Variants in EIF4G3 observed in about 807,000 individuals in gnomAD.
The protein encoded by EIF4G3 is eukaryotic translation initiation factor 4 gamma 3, also known as eIF-4-gamma 3.
A neutral mutation model predicts 186.4 loss-of-function variants in EIF4G3; 34 were observed. The observed-to-expected ratio is 0.18, with a 90% confidence interval of 0.14 to 0.24. EIF4G3 has a LOEUF of 0.24. Ranked by LOEUF, EIF4G3 falls within the 10% of genes least tolerant of loss-of-function variation. The probability of loss-of-function intolerance (pLI) is 1.00; values close to 1 mark genes in which losing one functional copy is unlikely to be tolerated. For synonymous variants in EIF4G3, 673 were observed against 679.5 expected (o/e 0.99, Z 0.15); for missense variants, 1,536 against 1,948.5 (o/e 0.79, Z 3.99).
intron 2 of EIF4G3, among the ~76,000 whole-genome samples, chr1:21,097,002 G>A (rs959794944): frequency 2.6e-5 from 4 of 152,128 alleles, no homozygotes; most frequent in Non-Finnish European, 1.5e-5. Context: ...TTTACTTAAT[G>A]CCACAGAACT....
At chr1:21,003,048 T>C (rs1423500126) in intron 4 of EIF4G3, among the ~76,000 whole-genome samples, 2 of 151,012 alleles carry the variant, frequency 1.3e-5, no homozygotes, top group African/African-American at 2.4e-5. Context: ...CGGGCTAGAG[T>C]GCAGTGGCAC....
intron 13 of EIF4G3, among the ~76,000 whole-genome samples, chr1:20,945,434 A>G (rs1273874336): frequency 6.6e-6 from 1 of 152,186 alleles, no homozygotes; most frequent in Non-Finnish European, 1.5e-5. Flanking sequence ...AAGAGTATTT[A>G]ATGATATGGA....
chr1:20,900,379 G>A (rs1243068779), intron 15 of EIF4G3, among the ~76,000 whole-genome samples: 1 of 152,038 alleles, frequency 6.6e-6, no homozygotes, highest in Non-Finnish European at 1.5e-5. Flanking sequence ...CTGGAGAATA[G>A]CTTAAAACAT....
chr1:21,068,036 C>T (rs1328260820), intron 3 of EIF4G3, among the ~76,000 whole-genome samples: 1 of 151,794 alleles, frequency 6.6e-6, no homozygotes, highest in Non-Finnish European at 1.5e-5. Context: ...GGCCCTAATC[C>T]CCCAAAAATT....
At chr1:21,030,201 A>G (rs937875697) in intron 4 of EIF4G3, among the ~76,000 whole-genome samples, 4 of 152,264 alleles carry the variant, frequency 2.6e-5, no homozygotes, top group Admixed American at 2.0e-4. Context: ...AAGAATTCAA[A>G]GGCAGAGCAG....
intron 2 of EIF4G3, among the ~76,000 whole-genome samples, chr1:21,108,250 A>G (rs2096651647): frequency 6.6e-6 from 1 of 152,228 alleles, no homozygotes; most frequent in East Asian, 1.9e-4. Flanking sequence ...AATATCCATG[A>G]GGAAGGTCTA....
Position 21,065,650 on chromosome 1 carries a change from T to C in EIF4G3, c.-195-14656A>G, listed in dbSNP as rs141963465. Among the ~76,000 whole-genome samples, 12 of 152,286 alleles carry C rather than the reference T, an allele frequency of 7.9e-5. No individual in the cohort carries two copies. In the East Asian group the frequency reaches 2.3e-3, roughly 29 times the overall value. ...CTAAGTTTGAATTCTGGCTCTACTA[T>C]ACAGAAACTATATAAGCAAATTACT... On this transcript the variant is annotated intron_variant, in intron 3 of 36. Transcript: ENST00000602326.
intron 19 of EIF4G3, among the ~76,000 whole-genome samples, chr1:20,880,360 C>T (rs2081982371): frequency 6.6e-6 from 1 of 152,162 alleles, no homozygotes; most frequent in African/African-American, 2.4e-5. Flanking sequence ...AAAATGCAAA[C>T]ATCAACTGCT....
intron 24 of EIF4G3, 29 bp from the exon 25 acceptor site, chr1:20,857,526 C>T: frequency 6.4e-7 from 1 of 1,563,688 alleles, no homozygotes; most frequent in Non-Finnish European, 8.8e-7. Flanking sequence ...GGGAGTCTCT[C>T]ATCTGTCTCA....
intron 33 of EIF4G3, among the ~76,000 whole-genome samples, chr1:20,822,234 G>A (rs957461880): frequency 6.6e-5 from 10 of 151,804 alleles, no homozygotes; most frequent in Middle Eastern, 3.4e-3. Context: ...TTTATGTATA[G>A]AATCTGTGCT....
intron 7 of EIF4G3, among the ~76,000 whole-genome samples, chr1:20,996,735 GTTAT>G (rs2082368547): frequency 6.6e-6 from 1 of 152,160 alleles, no homozygotes; most frequent in Non-Finnish European, 1.5e-5. Flanking sequence ...TAAGGCAGAG[GTTAT>G]TTATCTCCAT....
intron 22 of EIF4G3, among the ~76,000 whole-genome samples, chr1:20,863,763 A>T (rs868036386): frequency 9.3e-6 from 1 of 107,984 alleles, no homozygotes; most frequent in Non-Finnish European, 2.1e-5. Context: ...ACTTAAAAAA[A>T]AAAAAGAGAG....
chr1:21,173,137 CAAAA>C (rs1193601902), intron 2 of EIF4G3, among the ~76,000 whole-genome samples: 2 of 29,162 alleles, frequency 6.9e-5, no homozygotes, highest in African/African-American at 2.3e-4. Context: ...GACTCAATCT[CAAAA>C]AAAAAAAAAA....
At chr1:21,050,760 C>A in intron 4 of EIF4G3, 106 bp downstream of exon 4, 1 of 616,894 alleles carries the variant, frequency 1.6e-6, no homozygotes, top group Non-Finnish European at 2.9e-6. Context: ...CTTGAAATTA[C>A]TATACAAGTA....
chr1:20,961,172 C>G (rs1438402343), intron 12 of EIF4G3, among the ~76,000 whole-genome samples: 1 of 152,100 alleles, frequency 6.6e-6, no homozygotes. Flanking sequence ...ATCATGAGGT[C>G]AGGAGATCAA....
At position 21,125,804 on chromosome 1, in the gene EIF4G3, A is replaced by T. The variant is rs866438532; in HGVS notation, c.-271-36591T>A. On this transcript the variant is annotated intron_variant, in intron 2 of 36. Coordinates refer to ENST00000602326, the MANE Select transcript of EIF4G3 (RefSeq NM_001391906.1). ...CACACACACACACACACACACACAC[A>T]CTCTTATTAGGCACTAAGTATGACA... is the stretch of plus-strand genomic sequence containing the variant. 9.9e-4 allele frequency among the ~76,000 whole-genome samples: 130 copies of T among 131,628 alleles called. 1 individual carries two copies. In the South Asian group the frequency reaches 0.013, roughly 14 times the overall value. The allele number at this position is 131,628 out of a possible 152,430, so 86.4% of individuals were successfully genotyped here.
At chr1:21,025,982 G>A (rs1011454614) in intron 4 of EIF4G3, among the ~76,000 whole-genome samples, 3 of 152,088 alleles carry the variant, frequency 2.0e-5, no homozygotes, top group Non-Finnish European at 4.4e-5. Flanking sequence ...AACCCAAAGT[G>A]ACTTACAGAT....
At chr1:20,993,910 G>C (rs2081661523) in intron 7 of EIF4G3, among the ~76,000 whole-genome samples, 1 of 152,050 alleles carries the variant, frequency 6.6e-6, no homozygotes, top group African/African-American at 2.4e-5. Context: ...TCTATGTCTT[G>C]TTCTGTATTA....
chr1:21,069,775 G>T (rs1409664732), intron 3 of EIF4G3, among the ~76,000 whole-genome samples: 1 of 152,182 alleles, frequency 6.6e-6, no homozygotes. Flanking sequence ...CGGGGGAGAG[G>T]AGGGGGTAGG....
Sources: gnomAD v4.1 joint callset for allele counts (sites outside exome capture counted in the v4.1 genomes callset) on GRCh38, gnomAD v4.1.1 for gene constraint, MANE v1.5 for transcripts, NCBI Gene and HGNC (gene_info 2026-07-23, HGNC 2026-07-21) for gene names.